Variants in PPM1H observed in about 807,000 individuals in gnomAD.
PPM1H encodes the protein protein phosphatase, Mg2+/Mn2+ dependent 1H.
In PPM1H, 27 loss-of-function variants were observed where a neutral mutation model predicts 54.9. That is an observed-to-expected ratio of 0.49 (90% CI 0.36 to 0.68). The LOEUF is 0.68. Among genes scored for constraint, PPM1H ranks in the 30% least tolerant of loss-of-function variants. The pLI, the probability that PPM1H is intolerant of heterozygous loss-of-function variation, is 0.00. For missense variants in PPM1H, 596 were observed against 667.8 expected (o/e 0.89, Z 1.19); for synonymous variants, 305 against 270.8 (o/e 1.13, Z -1.24).
chr12:62,793,392 T>C (rs2076711168), intron 3 of PPM1H, among the ~76,000 whole-genome samples: 1 of 151,998 alleles, frequency 6.6e-6, no homozygotes. Context: ...TGTGGGATTT[T>C]ATTTTGCTCC....
chr12:62,807,884 C>T (rs478720), intron 2 of PPM1H, among the ~76,000 whole-genome samples: 14,481 of 152,240 alleles, frequency 0.095, 740 homozygotes, highest in South Asian at 0.16. Flanking sequence ...GTCACCCAGG[C>T]TGGAGTGCAC....
At chr12:62,841,855 TC>T (rs1014456466) in intron 1 of PPM1H, among the ~76,000 whole-genome samples, 9 of 152,162 alleles carry the variant, frequency 5.9e-5, no homozygotes, top group Non-Finnish European at 1.2e-4. Flanking sequence ...CTCATAGATT[TC>T]CCCCCATAAA....
intron 1 of PPM1H, among the ~76,000 whole-genome samples, chr12:62,840,667 ATGT>A (rs913401841): frequency 6.6e-5 from 10 of 152,128 alleles, no homozygotes; most frequent in Non-Finnish European, 1.5e-4. Context: ...AAAACTGAAG[ATGT>A]TGTGAAGTTT....
intron 4 of PPM1H, among the ~76,000 whole-genome samples, chr12:62,774,019 C>T (rs7302870): frequency 0.18 from 27,637 of 152,056 alleles, 3,040 homozygotes; most frequent in African/African-American, 0.3. Context: ...ACCAGCATTC[C>T]CCCCCAAACC....
intron 4 of PPM1H, among the ~76,000 whole-genome samples, chr12:62,754,417 A>G (rs1383965434): frequency 1.3e-5 from 2 of 152,152 alleles, no homozygotes; most frequent in Non-Finnish European, 2.9e-5. Context: ...AACACAAAAT[A>G]TTAGCCAGGC....
At chr12:62,917,695 T>C (rs1269059945) in intron 1 of PPM1H, among the ~76,000 whole-genome samples, 1 of 152,258 alleles carries the variant, frequency 6.6e-6, no homozygotes, top group African/African-American at 2.4e-5. Context: ...TTTAGTCTCT[T>C]TTAATTCAGG....
chr12:62,654,192 T>G (rs2075831019), intron 9 of PPM1H, among the ~76,000 whole-genome samples: 1 of 116,004 alleles, frequency 8.6e-6, no homozygotes. Context: ...CACTCCAATC[T>G]GGGTGACAGA....
intron 9 of PPM1H, among the ~76,000 whole-genome samples, chr12:62,651,742 C>T (rs1802669048): frequency 6.6e-6 from 1 of 152,198 alleles, no homozygotes; most frequent in Admixed American, 6.5e-5. Context: ...CCATTTTCTT[C>T]CTTTGTCTCT....
At chr12:62,787,334 G>T (rs186866361) in intron 4 of PPM1H, among the ~76,000 whole-genome samples, 1 of 152,126 alleles carries the variant, frequency 6.6e-6, no homozygotes, top group African/African-American at 2.4e-5. Context: ...ACAGCCCTTC[G>T]GGGGGAAGAG....
At chr12:62,669,582 G>A (rs1285085870) in intron 8 of PPM1H, among the ~76,000 whole-genome samples, 1 of 152,184 alleles carries the variant, frequency 6.6e-6, no homozygotes. Flanking sequence ...GTTCCTTAGA[G>A]TGGGCTGTTG....
chr12:62,793,739 T>G (rs1345373382), intron 3 of PPM1H, among the ~76,000 whole-genome samples: 1 of 51,420 alleles, frequency 1.9e-5, no homozygotes, highest in African/African-American at 9.2e-5. Context: ...AAACTCCGTT[T>G]CAAAAAAAAA....
chr12:62,898,627 C>A (rs1289432252), intron 1 of PPM1H, among the ~76,000 whole-genome samples: 1 of 152,122 alleles, frequency 6.6e-6, no homozygotes, highest in Non-Finnish European at 1.5e-5. Context: ...GGCTCAAATA[C>A]ACAGATTTTT....
At chr12:62,804,745 G>A (rs370322125) in intron 2 of PPM1H, among the ~76,000 whole-genome samples, 4 of 138,376 alleles carry the variant, frequency 2.9e-5, no homozygotes, top group East Asian at 4.1e-4. Context: ...GCGGGATCTC[G>A]GCTCACTGCA....
chr12:62,653,974 G>T (rs537249867), intron 9 of PPM1H, among the ~76,000 whole-genome samples: 1 of 152,164 alleles, frequency 6.6e-6, no homozygotes, highest in South Asian at 2.1e-4. Context: ...AGGTGCAGTG[G>T]CTTACGCTTG....
intron 1 of PPM1H, among the ~76,000 whole-genome samples, chr12:62,855,360 A>G (rs1869344782): frequency 6.6e-6 from 1 of 152,178 alleles, no homozygotes. Context: ...TACTAAGTCT[A>G]AAGTTGAGGA....
At chr12:62,912,548 G>A (rs1347714137) in intron 1 of PPM1H, among the ~76,000 whole-genome samples, 1 of 152,078 alleles carries the variant, frequency 6.6e-6, no homozygotes, top group African/African-American at 2.4e-5. Context: ...GCCATCACAC[G>A]AGATTTGGCA....
intron 4 of PPM1H, among the ~76,000 whole-genome samples, chr12:62,744,135 G>T (rs74234925): frequency 0.01 from 1,486 of 147,026 alleles, 19 homozygotes; most frequent in East Asian, 0.067. Context: ...TGAATGGATT[G>T]GTTTGTATTC....
chr12:62,737,628 A>T (rs1308519205), intron 4 of PPM1H, 42 bp from the exon 5 acceptor site: 1 of 1,342,008 alleles, frequency 7.5e-7, no homozygotes, highest in African/African-American at 1.5e-5. Flanking sequence ...AATCTCATAA[A>T]TGCTCTGATT....
chr12:62,693,963 G>A lies in PPM1H; in HGVS notation c.1110C>T (p.Phe370=), dbSNP rs775956233. ...TCTTGCCTTCTCCATATATAAGGGG[G>A]AACTTCAAGTCCTCATCCTCAATGG... ...YKTIEDEDLK[F]PLIYGEGKKA... The change falls in exon 7 of 10, where the codon TTC becomes TTT. Residue 370 remains phenylalanine (F), a synonymous_variant. Transcript: ENST00000228705. 6 of 1,613,018 alleles carry A rather than the reference G, an allele frequency of 3.7e-6. No homozygotes were observed. The Admixed American group carries it at 8.3e-5, about 22-fold the overall frequency.
Sources: allele counts gnomAD v4.1 joint callset (sites outside exome capture counted in the v4.1 genomes callset), GRCh38; gene constraint gnomAD v4.1.1; transcripts MANE v1.5; gene names NCBI Gene and HGNC (gene_info 2026-07-23, HGNC 2026-07-21).